The following RGS5 variants were observed in gnomAD, a reference collection of about 807,000 sequenced individuals.
RGS5 encodes the protein regulator of G protein signaling 5.
In RGS5, 20 loss-of-function variants were observed where a neutral mutation model predicts 18.9. That is an observed-to-expected ratio of 1.06 (90% confidence interval 0.74 to 1.54). The LOEUF (loss-of-function observed/expected upper bound fraction) is 1.54. RGS5 is among the 40% of genes most tolerant of loss of function. The pLI is 0.00. For synonymous variants in RGS5, 57 were observed against 76.2 expected, an observed-to-expected ratio of 0.75 and a Z score of 1.31; for missense variants, 201 against 211.8, an observed-to-expected ratio of 0.95 and a Z score of 0.32.
chr1:163,233,971 C>A (rs1571308799), intron 2 of RGS5, among the ~76,000 whole-genome samples: 1 of 152,260 alleles, frequency 6.6e-6, no homozygotes, highest in Non-Finnish European at 1.5e-5. Flanking sequence ...TTGCTTCAGG[C>A]CATCTGGATG....
chr1:163,298,842 C>T (rs1649487279), intron 2 of RGS5, among the ~76,000 whole-genome samples: 1 of 152,066 alleles, frequency 6.6e-6, no homozygotes, highest in Non-Finnish European at 1.5e-5. Flanking sequence ...AATTAGCATA[C>T]CAAAATGCTA....
At chr1:163,228,923 C>T (rs1647400898) in intron 2 of RGS5, among the ~76,000 whole-genome samples, 1 of 152,188 alleles carries the variant, frequency 6.6e-6, no homozygotes, top group Non-Finnish European at 1.5e-5. Flanking sequence ...TCAGCCTGGA[C>T]CTTATTGTCC....
rs114736628 is a variant in RGS5 at position 163,152,373 on chromosome 1, T to C, written c.384+177A>G. ...CTAGAAAGCGGTCTGAACAGGATTGTTCATATATACTTGACCATGTTGCTC... is the reference window on the plus strand; with the variant it reads ...CTAGAAAGCGGTCTGAACAGGATTGCTCATATATACTTGACCATGTTGCTC... On this transcript the variant is annotated intron_variant, in intron 4 of 4. Coordinates refer to ENST00000313961, the MANE Select transcript of RGS5 (RefSeq NM_003617.4). 1,846 of 575,944 alleles carry C rather than the reference T, an allele frequency of 3.2e-3. 28 individuals carry two copies. The highest frequency in any genetic ancestry group is 0.032 in the African/African-American group (1,704 of 53,632). The allele number at this position is 575,944 out of a possible 1,614,324, so 35.7% of individuals were successfully genotyped here.
intron 1 of RGS5, among the ~76,000 whole-genome samples, chr1:163,208,518 T>TA (rs55700806): frequency 0.18 from 2,592 of 14,436 alleles, 988 homozygotes; most frequent in Non-Finnish European, 0.23. Flanking sequence ...CCACCTCCAT[T>TA]AAAAAAAAAA....
At position 163,213,383 on chromosome 1, in the gene RGS5, C is replaced by T. The variant is rs556679851; in HGVS notation, c.69+4143G>A. The stretch of plus-strand genomic sequence containing the variant: ...TAAACACAAAATACTGGACAGAATT[C>T]GCAAGAAGTCACTGGAAATGGGGGA... On this transcript the variant is annotated intron_variant, in intron 1 of 5. Coordinates refer to the RGS5 transcript ENST00000367903. Among the ~76,000 whole-genome samples the T allele has an allele frequency of 9.8e-5, 15 of 152,286 alleles. No individual in the cohort carries two copies. In the South Asian group the frequency reaches 2.9e-3, roughly 30 times the overall value.
At chr1:163,207,961 A>T (rs896380287) in intron 1 of RGS5, among the ~76,000 whole-genome samples, 2 of 152,178 alleles carry the variant, frequency 1.3e-5, no homozygotes, top group Non-Finnish European at 2.9e-5. Flanking sequence ...CATATAGGAA[A>T]ATCATAAAAG....
intron 2 of RGS5, among the ~76,000 whole-genome samples, chr1:163,234,003 A>G (rs1159430765): frequency 6.6e-6 from 1 of 152,136 alleles, no homozygotes; most frequent in Non-Finnish European, 1.5e-5. Flanking sequence ...GTCACAGGGG[A>G]TATGATGGCT....
Position 163,152,632 on chromosome 1 carries a change from T to C in RGS5, c.302A>G (p.Lys101Arg). 6.2e-7 allele frequency: 1 copy of C among 1,613,136 alleles called. No individual in the cohort carries two copies. Among genetic ancestry groups the C allele is most frequent in the South Asian group, 1.1e-5 (1 of 90,856 alleles). Reference protein sequence around the residue: ...LEFWIACEDYKKIKSPAKMAE... With the variant: ...LEFWIACEDYRKIKSPAKMAE... Reference sequence around the variant, plus strand: ...CATCTTGGCAGGGGACTTGATCTTCTTGTAATCCTCACAGGCAATCCAGAA... The same window carrying C: ...CATCTTGGCAGGGGACTTGATCTTCCTGTAATCCTCACAGGCAATCCAGAA... Residue 101 changes from lysine to arginine, a missense_variant, in exon 4 of 5, where the codon AAG (lysine) becomes AGG (arginine). Lys to Arg is a conservative substitution (Grantham distance 26). Transcript: ENST00000313961.
chr1:163,247,417 A>C (rs1474122097), intron 2 of RGS5, among the ~76,000 whole-genome samples: 3 of 152,174 alleles, frequency 2.0e-5, no homozygotes, highest in African/African-American at 7.2e-5. Flanking sequence ...GTAACCTGCT[A>C]ATTTAGATCA....
chr1:163,306,952 G>A (rs967161119), intron 1 of RGS5, among the ~76,000 whole-genome samples: 4 of 152,176 alleles, frequency 2.6e-5, no homozygotes, highest in African/African-American at 9.7e-5. Flanking sequence ...ATGAATTTCT[G>A]TTGTTTAAGC....
At chr1:163,272,426 C>A (rs185552766) in intron 2 of RGS5, among the ~76,000 whole-genome samples, 1 of 152,028 alleles carries the variant, frequency 6.6e-6, no homozygotes, top group Non-Finnish European at 1.5e-5. Flanking sequence ...ATAAAATTCA[C>A]TAATTTTTTT....
intron 2 of RGS5, among the ~76,000 whole-genome samples, chr1:163,254,379 A>T (rs1648209016): frequency 6.6e-6 from 1 of 152,002 alleles, no homozygotes; most frequent in Non-Finnish European, 1.5e-5. Flanking sequence ...TGTGGTTTTG[A>T]TTTGCATTTC....
intron 4 of RGS5, among the ~76,000 whole-genome samples, chr1:163,149,632 A>G (rs1657295454): frequency 6.6e-6 from 1 of 152,174 alleles, no homozygotes; most frequent in African/African-American, 2.4e-5. Flanking sequence ...GATAATTTGC[A>G]ATGTATAAAT....
intron 1 of RGS5, 47 bp from the exon 2 acceptor site, chr1:163,168,415 C>A (rs778113276): frequency 1.5e-6 from 2 of 1,328,856 alleles, no homozygotes; most frequent in Non-Finnish European, 2.1e-6. Flanking sequence ...CATGTGCATA[C>A]AGATTTTAAG....
chr1:163,297,677 T>C (rs572925937), intron 2 of RGS5, among the ~76,000 whole-genome samples: 7 of 152,260 alleles, frequency 4.6e-5, no homozygotes, highest in African/African-American at 1.4e-4. Context: ...ACATGTAACA[T>C]GAAGTATACA....
chr1:163,291,123 C>T (rs1297047344), intron 2 of RGS5, among the ~76,000 whole-genome samples: 3 of 132,756 alleles, frequency 2.3e-5, no homozygotes, highest in Non-Finnish European at 5.1e-5. Flanking sequence ...ATACATAAGC[C>T]CACTTATTAA....
chr1:163,289,987 G>C (rs1053598186), intron 2 of RGS5, among the ~76,000 whole-genome samples: 3 of 152,142 alleles, frequency 2.0e-5, no homozygotes, highest in African/African-American at 7.2e-5. Flanking sequence ...ATTCAACATG[G>C]AGGTTCCCTC....
intron 2 of RGS5, among the ~76,000 whole-genome samples, chr1:163,228,002 C>A (rs1253462576): frequency 3.3e-5 from 5 of 152,348 alleles, no homozygotes; most frequent in African/African-American, 1.2e-4. Context: ...ATGCAAGGTA[C>A]AGCCCTGCCC....
chr1:163,252,725 G>A (rs1210801118), intron 2 of RGS5, among the ~76,000 whole-genome samples: 1 of 152,058 alleles, frequency 6.6e-6, no homozygotes, highest in East Asian at 1.9e-4. Context: ...GCTTTCTGGG[G>A]ACAAATGTAA....
Sources: gnomAD v4.1 joint callset for allele counts (sites outside exome capture counted in the v4.1 genomes callset) on GRCh38, gnomAD v4.1.1 for gene constraint, MANE v1.5 for transcripts, NCBI Gene and HGNC (gene_info 2026-07-23, HGNC 2026-07-21) for gene names.